ESPN: variants seen among roughly 807,000 people sequenced by gnomAD.
ESPN encodes autosomal recessive deafness type 36 protein.
A neutral mutation model predicts 77.7 loss-of-function variants in ESPN; 68 were observed. The ratio of observed to expected loss-of-function variants is 0.87; its 90% CI spans 0.72 to 1.07. The LOEUF is 1.07. Among genes scored for constraint, ESPN ranks in the 50% least tolerant of loss-of-function variants. The probability of loss-of-function intolerance (pLI) is 0.00; values close to 1 mark genes in which losing one functional copy is unlikely to be tolerated. For missense variants in ESPN, 1,060 were observed against 1,239.0 expected (o/e 0.86, Z 2.17); for synonymous variants, 449 against 567.1 (o/e 0.79, Z 2.96).
At chr1:6,461,093 C>T (rs931908489), downstream of ESPN, 9 of 536,308 alleles carry the variant, frequency 1.7e-5, no homozygotes, top group Non-Finnish European at 2.6e-5. The surrounding 1 kb of genome is among the most constrained non-coding windows in gnomAD (Gnocchi z 6.3). Flanking sequence ...CCTTCGAATC[C>T]CTCGAGAAAA....
Position 6,427,076 on chromosome 1 carries a change from C to T in ESPN, c.295-1150C>T, listed in dbSNP as rs1294272527. Among the ~76,000 whole-genome samples, 2 of 152,056 alleles carry T rather than the reference C, an allele frequency of 1.3e-5. No homozygotes were observed. The highest frequency in any genetic ancestry group is 2.4e-5 in the African/African-American group (1 of 41,392). On this transcript the variant is annotated intron_variant, in intron 1 of 12. Transcript: ENST00000645284. This position sits in a 1 kb window ranked among gnomAD's most constrained non-coding sequence, Gnocchi z 4.6. ...GGAGCCTCAGAGGTTCTCTTCCCAC[C>T]GTGATTTGACTTCCTGAGGCCTGGG...
At chr1:6,448,245 A>C in intron 7 of ESPN, 1 of 160,498 alleles carries the variant, frequency 6.2e-6, no homozygotes, top group African/African-American at 2.4e-5. Context: ...AGCCCTGGGG[A>C]CCCGCAGTCC....
intron 1 of ESPN, among the ~76,000 whole-genome samples, chr1:6,426,342 A>G (rs1371385892): frequency 6.6e-6 from 1 of 152,140 alleles, no homozygotes; most frequent in Non-Finnish European, 1.5e-5. Flanking sequence ...GGGCGGTGGC[A>G]TGCCTCCCAG....
chr1:6,451,561 A>G lies in ESPN; in HGVS notation c.1916-42A>G. The G allele has an allele frequency of 6.2e-7, 1 of 1,601,700 alleles. No homozygotes were observed. The highest frequency in any genetic ancestry group is 8.5e-7 in the Non-Finnish European group (1 of 1,174,046). ...GGCGGGTGAGGGGTGGCGGGGATGC[A>G]GCCCCACCCTGGCCAGTGCCTCATC... On this transcript the variant is annotated intron_variant, in intron 8 of 12. Coordinates refer to ENST00000645284, the MANE Select transcript of ESPN (RefSeq NM_031475.3). The surrounding 1 kb of genome is among the most constrained non-coding windows in gnomAD (Gnocchi z 4.3).
At chr1:6,446,316 G>A (rs1643837773) in intron 7 of ESPN, among the ~76,000 whole-genome samples, 1 of 152,198 alleles carries the variant, frequency 6.6e-6, no homozygotes, top group Admixed American at 6.6e-5. Context: ...CCCAGGCTCA[G>A]TCGGAGAGTG....
Position 6,448,675 on chromosome 1 carries a change from G to A in ESPN, c.1499G>A (p.Arg500Lys). 1 of 1,557,426 alleles carries A rather than the reference G, an allele frequency of 6.4e-7. No homozygotes were observed. The highest frequency in any genetic ancestry group is 8.6e-7 in the Non-Finnish European group (1 of 1,163,078). The change falls in exon 8 of 13, where the codon AGG (arginine) becomes AAG (lysine). Residue 500 changes from arginine to lysine, a missense_variant. Around this residue, in one of 3 missense-constraint regions of ESPN, gnomAD observed 130 missense variants for 223.9 expected, o/e 0.58. Transcript: ENST00000645284. ...SSCDGHDGLR[R>K]QDSSRKPRAF... The stretch of plus-strand genomic sequence containing the variant: ...TGTGACGGCCACGACGGGCTGCGGA[G>A]GCAGGACTCCAGCCGCAAGCCCCGC...
Position 6,441,073 on chromosome 1 carries a change from C to A in ESPN, c.990+8C>A, listed in dbSNP as rs1186831545. Reference sequence around the variant, plus strand: ...CGCACGGTGGAGAACCTGGTACGATCCCTGAGCTGCTCCTGTCGCATTCTT... The same window carrying A: ...CGCACGGTGGAGAACCTGGTACGATACCTGAGCTGCTCCTGTCGCATTCTT... On this transcript the variant is annotated splice_region_variant and intron_variant, in intron 5 of 12. Transcript: ENST00000645284. The A allele has an allele frequency of 6.2e-7, 1 of 1,609,784 alleles. No homozygotes were observed. The highest frequency in any genetic ancestry group is 1.1e-5 in the South Asian group (1 of 90,362).
Position 6,428,411 on chromosome 1 carries a change from C to G in ESPN, c.480C>G (p.His160Gln), listed in dbSNP as rs761424562. 6.2e-7 allele frequency: 1 copy of G among 1,611,116 alleles called. No homozygotes were observed. Among genetic ancestry groups the G allele is most frequent in the Non-Finnish European group, 8.5e-7 (1 of 1,178,444 alleles). Reference sequence around the variant, plus strand: ...CCTCCCTGAGGCTTCTCGTCGAGCACTACCCTGAGTAAGATCACCCCTCTT... The same window carrying G: ...CCTCCCTGAGGCTTCTCGTCGAGCAGTACCCTGAGTAAGATCACCCCTCTT... The part of the protein sequence containing the change: ...DFPSLRLLVE[H>Q]YPEGVNAQTK... The change falls in exon 2 of 13, where the codon CAC (histidine) becomes CAG (glutamine). Residue 160 changes from histidine to glutamine, a missense_variant. Physicochemically the swap from His to Gln is conservative, Grantham distance 24. Transcript: ENST00000645284. The surrounding 1 kb of genome is among the most constrained non-coding windows in gnomAD (Gnocchi z 5.4).
At position 6,451,371 on chromosome 1, in the gene ESPN, G is replaced by T. The variant is rs980576193; in HGVS notation, c.1916-232G>T. ...CCTCCAGGCAGGGGCCCTCCATCCC[G>T]TGAGTAGGGTGGGGAAGATGGTGGG... On this transcript the variant is annotated intron_variant, in intron 8 of 12. Coordinates refer to ENST00000645284, the MANE Select transcript of ESPN (RefSeq NM_031475.3). This position sits in a 1 kb window ranked among gnomAD's most constrained non-coding sequence, Gnocchi z 4.3. 13 of 603,122 alleles carry T rather than the reference G, an allele frequency of 2.2e-5. No individual in the cohort carries two copies. The highest frequency in any genetic ancestry group is 4.5e-4 in the Middle Eastern group (1 of 2,234). The allele number at this position is 603,122 out of a possible 1,614,324, so 37.4% of individuals were successfully genotyped here.
At chr1:6,452,300 G>A (rs754164146) in intron 10 of ESPN, among the ~76,000 whole-genome samples, 3 of 151,964 alleles carry the variant, frequency 2.0e-5, no homozygotes, top group Non-Finnish European at 2.9e-5. Context: ...CGCCTCCCAG[G>A]TTCAAATGAT....
intron 2 of ESPN, among the ~76,000 whole-genome samples, chr1:6,439,301 C>T (rs1461961572): frequency 6.6e-6 from 1 of 152,214 alleles, no homozygotes; most frequent in African/African-American, 2.4e-5. Flanking sequence ...ATAAGTATGT[C>T]CCATGCAATA....
At position 6,441,866 on chromosome 1, in the gene ESPN, C is replaced by CG. The variant is rs540214598; in HGVS notation, c.990+801_990+802insG. On this transcript the variant is annotated intron_variant, in intron 5 of 12. Transcript: ENST00000645284. ...CCGTCTGTCCATCTGCCCTCCCCCCCCCAGCACAGGGGGATGGTCCTGGCT... is the reference window on the plus strand; with the variant it reads ...CCGTCTGTCCATCTGCCCTCCCCCCCGCCAGCACAGGGGGATGGTCCTGGCT... 4.5e-3 allele frequency among the ~76,000 whole-genome samples: 683 copies of CG among 152,340 alleles called. 9 individuals carry two copies. Among genetic ancestry groups the CG allele is most frequent in the African/African-American group, 0.015 (626 of 41,568 alleles).
intron 8 of ESPN, among the ~76,000 whole-genome samples, chr1:6,449,697 C>G (rs941022004): frequency 6.6e-6 from 1 of 152,228 alleles, no homozygotes; most frequent in African/African-American, 2.4e-5. Flanking sequence ...AAAGCTGTGA[C>G]CCACCGTGTT....
chr1:6,436,193 T>C (rs1643432242), intron 2 of ESPN, among the ~76,000 whole-genome samples: 1 of 151,984 alleles, frequency 6.6e-6, no homozygotes, highest in Non-Finnish European at 1.5e-5. Flanking sequence ...CGTGGCACAT[T>C]TGGAGTCAGA....
chr1:6,454,679 C>A (rs1341400441), intron 10 of ESPN: 4 of 398,666 alleles, frequency 1.0e-5, no homozygotes, highest in Non-Finnish European at 1.8e-5. Flanking sequence ...CGCGCTTCAC[C>A]GTCGATCCGC....
intron 10 of ESPN, chr1:6,454,285 C>G (rs988866731): frequency 3.5e-5 from 14 of 397,256 alleles, no homozygotes; most frequent in Admixed American, 3.1e-4. Context: ...GCGTCACCCC[C>G]CGCCGGCCAG....
intron 5 of ESPN, among the ~76,000 whole-genome samples, chr1:6,442,297 G>A (rs1168108814): frequency 1.3e-5 from 2 of 152,206 alleles, no homozygotes; most frequent in African/African-American, 4.8e-5. Context: ...TTGGCCGGGT[G>A]CAGTGGCTCA....
intron 12 of ESPN, among the ~76,000 whole-genome samples, chr1:6,458,340 A>T (rs1289139350): frequency 7.3e-6 from 1 of 137,576 alleles, no homozygotes; most frequent in African/African-American, 2.8e-5. Context: ...TTTGAGACAG[A>T]GTTTTGCTCT....
chr1:6,441,900 T>G (rs2148521017), intron 5 of ESPN, among the ~76,000 whole-genome samples: 1 of 152,276 alleles, frequency 6.6e-6, no homozygotes, highest in East Asian at 1.9e-4. Flanking sequence ...CTCTGGGGGC[T>G]GCAGAACACA....
Sources: allele counts gnomAD v4.1 joint callset (sites outside exome capture counted in the v4.1 genomes callset), GRCh38; gene constraint gnomAD v4.1.1; regional missense constraint gnomAD v4.1.1; non-coding constraint Gnocchi (gnomAD v3.1); transcripts MANE v1.5; gene names NCBI Gene and HGNC (gene_info 2026-07-23, HGNC 2026-07-21).